The following GNG4 variants were observed in gnomAD, a reference collection of about 807,000 sequenced individuals.
GNG4 encodes G protein subunit gamma 4.
GNG4 carries 4 observed loss-of-function variants against 5.8 expected under a neutral mutation model. That is an observed-to-expected ratio of 0.69 (90% CI 0.34 to 1.57). The LOEUF (loss-of-function observed/expected upper bound fraction) is 1.57, where lower values mean the gene tolerates loss of function less well. GNG4 is among the 40% of genes most tolerant of loss of function. The pLI, the probability that GNG4 is intolerant of heterozygous loss-of-function variation, is 0.06. For synonymous variants in GNG4, 29 were observed against 32.9 expected (o/e 0.88, Z 0.41); for missense variants, 96 against 95.1 (o/e 1.01, Z -0.04).
chr1:235,642,377 G>A lies in GNG4; in HGVS notation c.-123+7285C>T, dbSNP rs1048988530. ...AAACATAGAACAGAAACTCCCTCTC[G>A]AATAGAGACCCACGCACGGAAGGAT... On this transcript the variant is annotated intron_variant, in intron 1 of 3. Transcript: ENST00000391854. The surrounding 1 kb of genome is among the most constrained non-coding windows in gnomAD (Gnocchi z 4.3). Among the ~76,000 whole-genome samples the A allele has an allele frequency of 6.6e-5, 10 of 152,198 alleles. No homozygotes were observed. The highest frequency in any genetic ancestry group is 3.9e-4 in the Admixed American group (6 of 15,280).
At chr1:235,609,439 G>C (rs1036641358) in intron 1 of GNG4, among the ~76,000 whole-genome samples, 1 of 151,950 alleles carries the variant, frequency 6.6e-6, no homozygotes, top group Non-Finnish European at 1.5e-5. Flanking sequence ...AGCCATCCTC[G>C]TGGGTGTGAA....
At chr1:235,564,282 G>C (rs1433762258) in intron 3 of GNG4, among the ~76,000 whole-genome samples, 1 of 152,170 alleles carries the variant, frequency 6.6e-6, no homozygotes, top group Non-Finnish European at 1.5e-5. Flanking sequence ...TACTTGAGGG[G>C]TGATGGGGGG....
chr1:235,580,117 T>C (rs538435186), intron 3 of GNG4, among the ~76,000 whole-genome samples: 59 of 152,306 alleles, frequency 3.9e-4, no homozygotes, highest in African/African-American at 1.2e-3. Flanking sequence ...GGCTACAACA[T>C]AGATGGATCT....
chr1:235,622,991 G>A (rs1328616223), intron 1 of GNG4, among the ~76,000 whole-genome samples: 2 of 151,792 alleles, frequency 1.3e-5, no homozygotes, highest in African/African-American at 4.8e-5. Flanking sequence ...AGTGAGCTGA[G>A]ATCGCGCCAC....
intron 3 of GNG4, among the ~76,000 whole-genome samples, chr1:235,556,286 C>T (rs530818959): frequency 2.6e-5 from 4 of 151,706 alleles, no homozygotes; most frequent in African/African-American, 7.3e-5. Flanking sequence ...GGGCCGGGCA[C>T]GGTGGCTCAC....
chr1:235,581,662 G>C (rs963011801), intron 3 of GNG4, among the ~76,000 whole-genome samples: 2 of 152,010 alleles, frequency 1.3e-5, no homozygotes, highest in African/African-American at 2.4e-5. Flanking sequence ...AAGCCAAGCA[G>C]ATACAGGCAT....
At chr1:235,604,399 G>A (rs1429952510) in intron 1 of GNG4, among the ~76,000 whole-genome samples, 1 of 152,214 alleles carries the variant, frequency 6.6e-6, no homozygotes, top group Non-Finnish European at 1.5e-5. Flanking sequence ...CAAACCGTGT[G>A]GTTCTAAGCA....
At chr1:235,638,963 C>G (rs7518056) in intron 1 of GNG4, among the ~76,000 whole-genome samples, 79,995 of 151,962 alleles carry the variant, frequency 0.53, 23,491 homozygotes, top group East Asian at 0.85. Flanking sequence ...CTGCAATAAA[C>G]ATACATGTGC....
intron 1 of GNG4, among the ~76,000 whole-genome samples, chr1:235,624,343 C>T (rs1688767869): frequency 3.3e-5 from 5 of 151,760 alleles, no homozygotes; most frequent in Non-Finnish European, 7.4e-5. Flanking sequence ...AACTCCTGAC[C>T]TCAAGTGACC....
intron 2 of GNG4, among the ~76,000 whole-genome samples, chr1:235,591,781 C>A (rs1203534621): frequency 6.6e-6 from 1 of 152,194 alleles, no homozygotes; most frequent in African/African-American, 2.4e-5. Context: ...AGGGGTGGCA[C>A]CTGGGGCCAC....
At chr1:235,628,016 A>G (rs1688851892) in intron 1 of GNG4, among the ~76,000 whole-genome samples, 1 of 152,082 alleles carries the variant, frequency 6.6e-6, no homozygotes, top group Non-Finnish European at 1.5e-5. Context: ...CCCCGTCTCT[A>G]CTACAAATAC....
chr1:235,634,531 A>G (rs1024691111), intron 1 of GNG4, among the ~76,000 whole-genome samples: 3 of 152,150 alleles, frequency 2.0e-5, no homozygotes, highest in African/African-American at 7.2e-5. Context: ...CAGATGGGCT[A>G]TGTGTCCTAG....
rs1558499274 is a variant in GNG4, at chr1:235,619,174, T to TAC, written c.-122-23664_-122-23663insGT. Among the ~76,000 whole-genome samples, 5 of 90,058 alleles carry TAC rather than the reference T, an allele frequency of 5.6e-5. No individual in the cohort carries two copies. The South Asian group carries it at 1.4e-3, about 25-fold the overall frequency. The allele number at this position is 90,058 out of a possible 152,430, so 59.1% of individuals were successfully genotyped here. ...AAAAAAAAATTTATATATATATATATATACACACACATATATATACACACA... is the reference window on the plus strand; with the variant it reads ...AAAAAAAAATTTATATATATATATATACATACACACACATATATATACACACA... On this transcript the variant is annotated intron_variant, in intron 1 of 3. Coordinates refer to ENST00000391854, the MANE Select transcript of GNG4 (RefSeq NM_001098722.2).
intron 1 of GNG4, among the ~76,000 whole-genome samples, chr1:235,604,796 T>C (rs1688325309): frequency 6.6e-6 from 1 of 152,232 alleles, no homozygotes; most frequent in African/African-American, 2.4e-5. Flanking sequence ...CTGAACTCAG[T>C]ATAGTCAGGA....
intron 3 of GNG4, among the ~76,000 whole-genome samples, chr1:235,570,336 C>T (rs371797499): frequency 2.0e-5 from 3 of 151,976 alleles, no homozygotes; most frequent in African/African-American, 7.2e-5. Flanking sequence ...TCCCACCTCC[C>T]TCCAATTCTT....
At chr1:235,570,862 A>ATGTGTGTG (rs1553365373) in intron 3 of GNG4, among the ~76,000 whole-genome samples, 2,043 of 141,352 alleles carry the variant, frequency 0.014, 40 homozygotes, top group African/African-American at 0.044. Flanking sequence ...ATATATATAT[A>ATGTGTGTG]TGTGTGTGTG....
chr1:235,581,894 G>A (rs1014635416), intron 3 of GNG4, among the ~76,000 whole-genome samples: 20 of 152,292 alleles, frequency 1.3e-4, no homozygotes, highest in African/African-American at 3.6e-4. Flanking sequence ...CTCCTGGGGC[G>A]GTGTCTGTGG....
At chr1:235,631,185 C>T (rs901933595) in intron 1 of GNG4, among the ~76,000 whole-genome samples, 1 of 152,142 alleles carries the variant, frequency 6.6e-6, no homozygotes, top group African/African-American at 2.4e-5. Flanking sequence ...AGGTGTGAGC[C>T]ACTGTGCCCA....
At chr1:235,605,706 C>G (rs1688343272) in intron 1 of GNG4, among the ~76,000 whole-genome samples, 1 of 152,082 alleles carries the variant, frequency 6.6e-6, no homozygotes. Flanking sequence ...GCAGAAGTCC[C>G]ATGCAAGTGT....
Sources: gnomAD v4.1 joint callset for allele counts (sites outside exome capture counted in the v4.1 genomes callset) on GRCh38, gnomAD v4.1.1 for gene constraint, Gnocchi (gnomAD v3.1) non-coding constraint, MANE v1.5 for transcripts, NCBI Gene and HGNC (gene_info 2026-07-23, HGNC 2026-07-21) for gene names.